The following TUT4 variants were observed in gnomAD, a reference collection of about 807,000 sequenced individuals.
The protein encoded by TUT4 is terminal uridylyltransferase 4.
A neutral mutation model predicts 192.2 loss-of-function variants in TUT4; 36 were observed. That is an observed-to-expected ratio of 0.19 (90% confidence interval 0.14 to 0.25). The LOEUF (loss-of-function observed/expected upper bound fraction) is 0.25. Among genes scored for constraint, TUT4 ranks in the 10% least tolerant of loss-of-function variants. The pLI, the probability that TUT4 is intolerant of heterozygous loss-of-function variation, is 1.00. For missense variants in TUT4, 1,493 were observed against 1,957.2 expected (o/e 0.76, Z 4.47); for synonymous variants, 618 against 666.0 (o/e 0.93, Z 1.11).
At chr1:52,501,187 A>C (rs923236966) in intron 4 of TUT4, among the ~76,000 whole-genome samples, 21 of 152,208 alleles carry the variant, frequency 1.4e-4, no homozygotes, top group African/African-American at 4.8e-4. Flanking sequence ...AAATGGAAGA[A>C]CATATTTGCA....
At chr1:52,480,656 G>A (rs889479300) in intron 11 of TUT4, among the ~76,000 whole-genome samples, 2 of 152,106 alleles carry the variant, frequency 1.3e-5, no homozygotes, top group Non-Finnish European at 2.9e-5. Flanking sequence ...ATTTATGAGG[G>A]AATAATTGCT....
Position 52,503,687 on chromosome 1 carries a change from G to A in TUT4, c.999+5909C>T, listed in dbSNP as rs151001045. The stretch of plus-strand genomic sequence containing the variant: ...TCCCACCTCAGCATCCTGAGTAGCT[G>A]AGACTACAGGCACCAAATCAGACAT... On this transcript the variant is annotated intron_variant, in intron 4 of 29. Coordinates refer to ENST00000257177, the MANE Select transcript of TUT4 (RefSeq NM_001009881.3). 8.5e-4 allele frequency among the ~76,000 whole-genome samples: 129 copies of A among 152,274 alleles called. 1 individual carries two copies. Among genetic ancestry groups the A allele is most frequent in the Non-Finnish European group, 1.6e-3 (109 of 68,016 alleles).
At chr1:52,499,953 C>G (rs1196755260) in intron 4 of TUT4, among the ~76,000 whole-genome samples, 1 of 151,298 alleles carries the variant, frequency 6.6e-6, no homozygotes, top group African/African-American at 2.4e-5. Context: ...TATATACACA[C>G]ACACACATAT....
intron 20 of TUT4, among the ~76,000 whole-genome samples, chr1:52,455,441 C>T (rs917099495): frequency 6.6e-6 from 1 of 151,496 alleles, no homozygotes; most frequent in African/African-American, 2.4e-5. Context: ...AACCCCATCT[C>T]TACTAAATAT....
intron 1 of TUT4, among the ~76,000 whole-genome samples, chr1:52,530,733 T>C (rs1001119921): frequency 4.6e-5 from 7 of 152,204 alleles, no homozygotes; most frequent in Non-Finnish European, 1.0e-4. Flanking sequence ...CTGGGAACAG[T>C]GACTCACACC....
rs1178253793 is a variant in TUT4 at position 52,475,379 on chromosome 1, T to C, written c.2180A>G (p.Lys727Arg). 1 of 1,614,160 alleles carries C rather than the reference T, an allele frequency of 6.2e-7. No individual in the cohort carries two copies. Among genetic ancestry groups the C allele is most frequent in the Middle Eastern group, 1.6e-4 (1 of 6,062 alleles). ...KSTVDFKKRE[K>R]GKISNKKPVK... is the part of the protein sequence containing the mutation. ...TGGTTTCTTATTGCTTATTTTCCCC[T>C]TCTCTCTTTTCTTGAAATCCACTGT... The change falls in exon 13 of 30, where the codon AAG (lysine) becomes AGG (arginine). Residue 727 changes from lysine to arginine, a missense_variant. Coordinates refer to ENST00000257177, the MANE Select transcript of TUT4 (RefSeq NM_001009881.3).
chr1:52,491,375 T>C (rs1252960287), intron 7 of TUT4, among the ~76,000 whole-genome samples: 1 of 152,074 alleles, frequency 6.6e-6, no homozygotes, highest in East Asian at 1.9e-4. Context: ...CCCCATGCCA[T>C]AAATGTCTAA....
intron 4 of TUT4, among the ~76,000 whole-genome samples, chr1:52,505,877 C>T (rs879525332): frequency 6.6e-5 from 10 of 151,944 alleles, no homozygotes; most frequent in Non-Finnish European, 1.3e-4. Flanking sequence ...TGCTCTGTTG[C>T]CCAGGCTGGA....
At chr1:52,523,147 C>G (rs1209262492) in intron 2 of TUT4, among the ~76,000 whole-genome samples, 1 of 151,380 alleles carries the variant, frequency 6.6e-6, no homozygotes, top group Non-Finnish European at 1.5e-5. Context: ...CATGTGCCAC[C>G]ACACCCGGCT....
intron 1 of TUT4, among the ~76,000 whole-genome samples, chr1:52,528,151 C>A (rs1327592345): frequency 6.6e-6 from 1 of 151,082 alleles, no homozygotes; most frequent in Non-Finnish European, 1.5e-5. Context: ...AGCACTCCAG[C>A]CTGGGTGACA....
rs773285366 is a variant in TUT4, at chr1:52,435,472, G to T, written c.4163-7C>A. ...TTGCGGACCAGCTGGGCTGCTAAGAGAAGGCATCACAAAGAAAATCAACAG... is the reference window on the plus strand; with the variant it reads ...TTGCGGACCAGCTGGGCTGCTAAGATAAGGCATCACAAAGAAAATCAACAG... On this transcript the variant is annotated splice_polypyrimidine_tract_variant and splice_region_variant and intron_variant, in intron 26 of 29. Coordinates refer to ENST00000257177, the MANE Select transcript of TUT4 (RefSeq NM_001009881.3). The T allele has an allele frequency of 3.1e-6, 5 of 1,612,572 alleles. No homozygotes were observed. Among genetic ancestry groups the T allele is most frequent in the Non-Finnish European group, 4.2e-6 (5 of 1,178,714 alleles).
rs1054255386 is a variant in TUT4 at position 52,433,076 on chromosome 1, CT to C, written c.4264-1617del. On this transcript the variant is annotated intron_variant, in intron 27 of 29. Coordinates refer to ENST00000257177, the MANE Select transcript of TUT4 (RefSeq NM_001009881.3). ...GAGGGAAGCAAATGGCTGTGAGATA[CT>C]TTTTTTTTTTTGAGACAGTCTCGCT... 3.1e-3 allele frequency: 451 copies of C among 146,798 alleles called. 1 individual carries two copies. The highest frequency in any genetic ancestry group is 8.5e-3 in the African/African-American group (344 of 40,458). The allele number at this position is 146,798 out of a possible 1,614,324, so 9.1% of individuals were successfully genotyped here. A position where few individuals can be genotyped will look rare whatever the true frequency, so the allele number is the denominator to read the frequency against.
At chr1:52,480,775 T>C (rs925531666) in intron 11 of TUT4, among the ~76,000 whole-genome samples, 3 of 152,268 alleles carry the variant, frequency 2.0e-5, no homozygotes, top group Non-Finnish European at 2.9e-5. Flanking sequence ...TAAGCAAGCA[T>C]TGGCTGAGAG....
chr1:52,481,660 G>T, intron 10 of TUT4, 25 bp from the exon 11 acceptor site: 1 of 1,550,748 alleles, frequency 6.4e-7, no homozygotes, highest in Non-Finnish European at 8.7e-7. Context: ...ATTCCAAATT[G>T]GTAGTGGAAA....
intron 24 of TUT4, among the ~76,000 whole-genome samples, chr1:52,441,189 T>C (rs1655404887): frequency 6.6e-6 from 1 of 152,072 alleles, no homozygotes; most frequent in Non-Finnish European, 1.5e-5. Flanking sequence ...TAAAGGACTA[T>C]TTATTTGATA....
chr1:52,490,631 G>A, intron 8 of TUT4, 101 bp downstream of exon 8: 1 of 900,390 alleles, frequency 1.1e-6, no homozygotes, highest in Non-Finnish European at 1.6e-6. Context: ...TTCATCCAAG[G>A]AGAAATCTAA....
At position 52,518,675 on chromosome 1, in the gene TUT4, C is replaced by G. The variant is rs374149187; in HGVS notation, c.719-2621G>C. On this transcript the variant is annotated intron_variant, in intron 2 of 29. Transcript: ENST00000257177. ...GATACACGTTACAACATGGATAAAC[C>G]TTAAAAACATGACACTAAATGAAAG... Among the ~76,000 whole-genome samples, 4 of 152,058 alleles carry G rather than the reference C, an allele frequency of 2.6e-5. No individual in the cohort carries two copies. The East Asian group carries it at 5.8e-4, about 22-fold the overall frequency.
At chr1:52,485,598 T>C (rs1442273011) in intron 9 of TUT4, among the ~76,000 whole-genome samples, 4 of 152,170 alleles carry the variant, frequency 2.6e-5, no homozygotes, top group Non-Finnish European at 5.9e-5. Context: ...TTTTAATAAA[T>C]GGTTTTCATC....
intron 1 of TUT4, among the ~76,000 whole-genome samples, chr1:52,535,968 A>G (rs1427971464): frequency 6.6e-6 from 1 of 152,238 alleles, no homozygotes; most frequent in Admixed American, 6.5e-5. Flanking sequence ...AAAGTGAGAA[A>G]GTTCATTCTG....
Sources: gnomAD v4.1 joint callset for allele counts (sites outside exome capture counted in the v4.1 genomes callset) on GRCh38, gnomAD v4.1.1 for gene constraint, MANE v1.5 for transcripts, NCBI Gene and HGNC (gene_info 2026-07-23, HGNC 2026-07-21) for gene names.